The following COL5A1 variants were observed in gnomAD, a reference collection of about 807,000 sequenced individuals.
COL5A1 encodes the protein collagen type V alpha 1 chain.
In COL5A1, 16 loss-of-function variants were observed where a neutral mutation model predicts 263.7. The ratio of observed to expected loss-of-function variants is 0.06; its 90% CI spans 0.04 to 0.09. The LOEUF is 0.09. Among genes scored for constraint, COL5A1 ranks in the 10% least tolerant of loss-of-function variants. The pLI, the probability that COL5A1 is intolerant of heterozygous loss-of-function variation, is 1.00. For synonymous variants in COL5A1, 1,012 were observed against 1,004.5 expected, an observed-to-expected ratio of 1.01 and a Z score of -0.14; for missense variants, 2,036 against 2,540.5, an observed-to-expected ratio of 0.80 and a Z score of 4.27.
intron 4 of COL5A1, among the ~76,000 whole-genome samples, chr9:134,722,063 C>T (rs1477359957): frequency 1.3e-5 from 2 of 152,264 alleles, no homozygotes; most frequent in Non-Finnish European, 2.9e-5. Context: ...CAGACCCTTG[C>T]CCTTTGGCAG....
intron 4 of COL5A1, among the ~76,000 whole-genome samples, chr9:134,711,928 G>A (rs1355429586): frequency 2.0e-5 from 3 of 151,766 alleles, no homozygotes; most frequent in African/African-American, 7.3e-5. Flanking sequence ...TGGACTCCTG[G>A]GCCTGTCTGT....
At chr9:134,731,234 C>T (rs1159913234) in intron 7 of COL5A1, among the ~76,000 whole-genome samples, 2 of 152,238 alleles carry the variant, frequency 1.3e-5, no homozygotes, top group Non-Finnish European at 2.9e-5. Context: ...GGTGCAGCCC[C>T]TGCCTGAGCG....
In COL5A1 at chr9:134,823,011, C is replaced by T. The variant is rs763983943; in HGVS notation, c.4622C>T (p.Pro1541Leu). 4 of 1,613,882 alleles carry T rather than the reference C, an allele frequency of 2.5e-6. No homozygotes were observed. Among genetic ancestry groups the T allele is most frequent in the Non-Finnish European group, 3.4e-6 (4 of 1,179,982 alleles). ...GPPGLPGPPG[P>L]KGAKGSSGPT... Reference sequence around the variant, plus strand: ...CTCTCTCTGCAGGGTCCGCCTGGTCCAAAAGGTGCTAAGGGCTCCTCGGTA... The same window carrying T: ...CTCTCTCTGCAGGGTCCGCCTGGTCTAAAAGGTGCTAAGGGCTCCTCGGTA... Residue 1541 changes from proline (P) to leucine (L), a missense_variant, in exon 60 of 66, where the codon CCA becomes CTA. Physicochemically the swap from Pro to Leu is moderately conservative, Grantham distance 98. Transcript: ENST00000371817.
At chr9:134,752,501 C>A in intron 13 of COL5A1, 88 bp from the exon 14 acceptor site, 1 of 1,008,366 alleles carries the variant, frequency 9.9e-7, no homozygotes, top group Admixed American at 1.7e-5. Flanking sequence ...TGCCCGTTCC[C>A]TCCTGCCACA....
chr9:134,759,456 C>T (rs1319718739), intron 18 of COL5A1, among the ~76,000 whole-genome samples: 1 of 110,340 alleles, frequency 9.1e-6, no homozygotes, highest in Non-Finnish European at 1.7e-5. Context: ...CCCACACACT[C>T]ATACATGCAC....
At position 134,823,468 on chromosome 9, in the gene COL5A1, C is replaced by A. The variant is rs375540141; in HGVS notation, c.4697C>A (p.Pro1566Gln). The A allele has an allele frequency of 2.5e-6, 4 of 1,614,060 alleles. No homozygotes were observed. The highest frequency in any genetic ancestry group is 3.4e-6 in the Non-Finnish European group (4 of 1,180,010). ...EAGHPGPPGP[P>Q]GPPGEVIQPL... ...GGCCACCCAGGACCCCCAGGCCCCCCGGTAAGTAGCCCTTGAAGCCCAGAA... is the reference window on the plus strand; with the variant it reads ...GGCCACCCAGGACCCCCAGGCCCCCAGGTAAGTAGCCCTTGAAGCCCAGAA... The change falls in exon 61 of 66, where the codon CCG becomes CAG. Residue 1566 changes from proline (P) to glutamine (Q), a missense_variant and splice_region_variant. By Grantham distance (76) the Pro-to-Gln change is moderately conservative. Transcript: ENST00000371817.
Position 134,652,639 on chromosome 9 carries a change from A to C in COL5A1, c.109+10343A>C. 1 of 469,718 alleles carries C rather than the reference A, an allele frequency of 2.1e-6. No individual in the cohort carries two copies. The allele number at this position is 469,718 out of a possible 1,614,324, so 29.1% of individuals were successfully genotyped here. A position where few individuals can be genotyped will look rare whatever the true frequency, so the allele number is the denominator to read the frequency against. ...GCACGGGACAGCCCCCACCAAAAAG[A>C]CTGACCCAGCCCGGAGGCTGCAGGA... On this transcript the variant is annotated intron_variant, in intron 1 of 65. Transcript: ENST00000371817. This position sits in a 1 kb window ranked among gnomAD's most constrained non-coding sequence, Gnocchi z 4.4.
At position 134,731,537 on chromosome 9, in the gene COL5A1, G is replaced by T. The variant is rs1163707422; in HGVS notation, c.1206G>T (p.Gly402=). Residue 402 remains glycine, a synonymous_variant, in exon 8 of 66, where the codon GGG becomes GGT. Coordinates refer to ENST00000371817, the MANE Select transcript of COL5A1 (RefSeq NM_000093.5). ...GGGAAGGTGCGGATGACTTGGAGGG[G>T]GAGTTCACTGAGGAAACGATCCGGA... The part of the protein sequence containing the change: ...PPGEGADDLE[G]EFTEETIRNL... The T allele has an allele frequency of 1.9e-6, 3 of 1,614,228 alleles. No individual in the cohort carries two copies. In the Admixed American group the frequency reaches 5.0e-5, roughly 27 times the overall value.
At chr9:134,767,217 G>A in intron 23 of COL5A1, 93 bp from the exon 24 acceptor site, 1 of 1,474,692 alleles carries the variant, frequency 6.8e-7, no homozygotes, top group African/African-American at 1.4e-5. Context: ...CTGGATGAGG[G>A]AGACATCAAT....
At position 134,782,699 on chromosome 9, in the gene COL5A1, C is replaced by G. The variant is rs1588542906; in HGVS notation, c.2463C>G (p.Asp821Glu). 1.2e-6 allele frequency: 2 copies of G among 1,613,658 alleles called. No individual in the cohort carries two copies. The highest frequency in any genetic ancestry group is 1.7e-6 in the Non-Finnish European group (2 of 1,179,962). The change falls in exon 29 of 66, where the codon GAC becomes GAG. Residue 821 changes from aspartate (D) to glutamate (E), a missense_variant. This residue lies in a region of COL5A1 where 1,078 missense variants were observed against 1,521.4 expected (regional missense o/e 0.71). Transcript: ENST00000371817. ...ACGGCTTTCCTGGGTTTAAAGGAGACATGGGCATCAAGGGTGATCGGGTGA... is the reference window on the plus strand; with the variant it reads ...ACGGCTTTCCTGGGTTTAAAGGAGAGATGGGCATCAAGGGTGATCGGGTGA... The part of the protein sequence containing the change: ...GEDGFPGFKG[D>E]MGIKGDRGEI...
rs746555918 is a variant in COL5A1 at position 134,690,902 on chromosome 9, G to A, written c.110-10G>A. On this transcript the variant is annotated splice_polypyrimidine_tract_variant and intron_variant, in intron 1 of 65. Transcript: ENST00000371817. ...CCGTGGCTAACTCTGCTCCTCCTCT[G>A]TCATTTCAGCTCAGCCAGCAGATCT... 1.9e-6 allele frequency: 3 copies of A among 1,613,552 alleles called. No homozygotes were observed. Among genetic ancestry groups the A allele is most frequent in the Non-Finnish European group, 1.7e-6 (2 of 1,180,024 alleles).
rs527265325 is a variant in COL5A1, at chr9:134,842,028, C to T, written c.5371-129C>T. ...TTCCTCCAACACTTGCCCGGGCAAG[C>T]GCAGCCCTGGGTAGGAGACAGGACA... On this transcript the variant is annotated intron_variant, in intron 65 of 65. Transcript: ENST00000371817. This position sits in a 1 kb window ranked among gnomAD's most constrained non-coding sequence, Gnocchi z 5.8. 1.1e-4 allele frequency: 120 copies of T among 1,043,914 alleles called. No individual in the cohort carries two copies. The highest frequency in any genetic ancestry group is 6.0e-4 in the Middle Eastern group (3 of 5,000). The allele number at this position is 1,043,914 out of a possible 1,614,324, so 64.7% of individuals were successfully genotyped here.
At chr9:134,786,140 G>A (rs893320576) in intron 31 of COL5A1, 92 bp downstream of exon 31, 30 of 1,185,198 alleles carry the variant, frequency 2.5e-5, no homozygotes, top group Non-Finnish European at 3.6e-5. Flanking sequence ...TAGGTGTCCC[G>A]GCACAGGTGG....
In COL5A1 at chr9:134,723,605, C is replaced by T. The variant is rs1182270601; in HGVS notation, c.655-3661C>T. ...GTTAAATGGAGGTGACAGAAATTTCCCTTGTGAGTCCTGAGTCCTGCAAGG... is the reference window on the plus strand; with the variant it reads ...GTTAAATGGAGGTGACAGAAATTTCTCTTGTGAGTCCTGAGTCCTGCAAGG... On this transcript the variant is annotated intron_variant, in intron 4 of 65. Coordinates refer to ENST00000371817, the MANE Select transcript of COL5A1 (RefSeq NM_000093.5). Among the ~76,000 whole-genome samples the T allele has an allele frequency of 1.9e-4, 29 of 152,300 alleles. 1 individual carries two copies. Among genetic ancestry groups the T allele is most frequent in the Non-Finnish European group, 7.3e-5 (5 of 68,028 alleles).
At chr9:134,699,782 T>G in intron 2 of COL5A1, 127 bp from the exon 3 acceptor site, 1 of 876,634 alleles carries the variant, frequency 1.1e-6, no homozygotes, top group Non-Finnish European at 1.9e-6. Flanking sequence ...GTGCAGCAGA[T>G]GGCAGTGCCC....
chr9:134,769,038 T>C lies in COL5A1; in HGVS notation c.2286+575T>C, dbSNP rs564060559. On this transcript the variant is annotated intron_variant, in intron 25 of 65. Coordinates refer to ENST00000371817, the MANE Select transcript of COL5A1 (RefSeq NM_000093.5). The stretch of plus-strand genomic sequence containing the variant: ...GCGTGCGTGCGTGCACACGTGCGTG[T>C]ACATGAGTGTGAGCTGATTTGCACC... 2.6e-5 allele frequency among the ~76,000 whole-genome samples: 4 copies of C among 152,374 alleles called. No individual in the cohort carries two copies. The East Asian group carries it at 5.8e-4, about 22-fold the overall frequency.
In COL5A1 at chr9:134,765,715, C is replaced by T. The variant is rs1488499817; in HGVS notation, c.2069C>T (p.Pro690Leu). 1 of 1,613,474 alleles carries T rather than the reference C, an allele frequency of 6.2e-7. No homozygotes were observed. Among genetic ancestry groups the T allele is most frequent in the African/African-American group, 1.3e-5 (1 of 74,934 alleles). Residue 690 changes from proline to leucine, a missense_variant, in exon 21 of 66, where the codon CCA (proline) becomes CTA (leucine). Physicochemically the swap from Pro to Leu is moderately conservative, Grantham distance 98 (BLOSUM62 -3). Transcript: ENST00000371817. This position sits in a 1 kb window ranked among gnomAD's most constrained non-coding sequence, Gnocchi z 5.1. ...PRGLLGPKGP[P>L]GPPGPPGVTG... ...GGTCTGCTTGGGCCGAAGGGGCCCC[C>T]AGGTCCTCCCGGACCTCCCGTAAGT...
rs1564431681 is a variant in COL5A1, at chr9:134,751,134, G to GTCACTGTCCAGTAGGGACCCCGAGAGCA, written c.1662+253_1662+254insCACTGTCCAGTAGGGACCCCGAGAGCAT. ...AGTGTCCAGTAGGGGCCCCGAGAGC[G>GTCACTGTCCAGTAGGGACCCCGAGAGCA]TGTCACTGTCCAGTAGGGACCCCGA... On this transcript the variant is annotated intron_variant, in intron 13 of 65. Coordinates refer to ENST00000371817, the MANE Select transcript of COL5A1 (RefSeq NM_000093.5). Among the ~76,000 whole-genome samples the GTCACTGTCCAGTAGGGACCCCGAGAGCA allele has an allele frequency of 5.7e-5, 8 of 140,734 alleles. No individual in the cohort carries two copies. The East Asian group carries it at 1.2e-3, about 21-fold the overall frequency. 92.3% of individuals were successfully genotyped at this position (140,734 alleles called of 152,430 possible). A position where few individuals can be genotyped will look rare whatever the true frequency, so the allele number is the denominator to read the frequency against.
intron 4 of COL5A1, among the ~76,000 whole-genome samples, chr9:134,724,896 C>A (rs546582064): frequency 6.6e-6 from 1 of 152,150 alleles, no homozygotes; most frequent in South Asian, 2.1e-4. Flanking sequence ...GTGAACCAGG[C>A]TCGGGTGAAC....
Sources: gnomAD v4.1 joint callset for allele counts (sites outside exome capture counted in the v4.1 genomes callset) on GRCh38, gnomAD v4.1.1 for gene constraint, gnomAD v4.1.1 regional missense constraint, Gnocchi (gnomAD v3.1) non-coding constraint, MANE v1.5 for transcripts, NCBI Gene and HGNC (gene_info 2026-07-23, HGNC 2026-07-21) for gene names.